Variants in DNAL1 observed in about 807,000 individuals in gnomAD.
DNAL1 encodes chromosome 14 open reading frame 168.
A neutral mutation model predicts 29.4 loss-of-function variants in DNAL1; 17 were observed. The ratio of observed to expected loss-of-function variants is 0.58; its 90% CI spans 0.40 to 0.87. The LOEUF (loss-of-function observed/expected upper bound fraction) is 0.87, where lower values mean the gene tolerates loss of function less well. Among genes scored for constraint, DNAL1 ranks in the 40% least tolerant of loss-of-function variants. The probability of loss-of-function intolerance (pLI) is 0.00; values close to 1 mark genes in which losing one functional copy is unlikely to be tolerated. For missense variants in DNAL1, 188 were observed against 214.1 expected (o/e 0.88, Z 0.76); for synonymous variants, 78 against 76.3 (o/e 1.02, Z -0.12).
At chr14:73,646,528 G>C (rs906400680) in intron 1 of DNAL1, among the ~76,000 whole-genome samples, 1 of 126,734 alleles carries the variant, frequency 7.9e-6, no homozygotes. Context: ...TTGTGAGGCC[G>C]AGGCGGGCAG....
chr14:73,670,670 C>T (rs1021218805), intron 4 of DNAL1, among the ~76,000 whole-genome samples: 6 of 151,816 alleles, frequency 4.0e-5, no homozygotes, highest in Non-Finnish European at 7.4e-5. Context: ...TATAGATATA[C>T]AAATAGAAAT....
In DNAL1 at chr14:73,698,085, G is replaced by A. The variant is rs1892345363; in HGVS notation, c.*2143G>A. 6.6e-6 allele frequency: 1 copy of A among 152,138 alleles called. No individual in the cohort carries two copies. The highest frequency in any genetic ancestry group is 1.5e-5 in the Non-Finnish European group (1 of 68,030). 9.4% of individuals were successfully genotyped at this position (152,138 alleles called of 1,614,324 possible). On this transcript the variant is annotated 3_prime_UTR_variant, in exon 8 of 8. Coordinates refer to ENST00000553645, the MANE Select transcript of DNAL1 (RefSeq NM_031427.4). ...AAGTGATTTCATATTGAATTTATTT[G>A]TAAAATGGCTTAGAGTTTTGGTGTT... is the stretch of plus-strand genomic sequence containing the variant.
chr14:73,650,770 C>T (rs535255147), intron 1 of DNAL1, among the ~76,000 whole-genome samples: 1 of 152,116 alleles, frequency 6.6e-6, no homozygotes, highest in Non-Finnish European at 1.5e-5. Context: ...GCCACTGTGC[C>T]TGGCCAGGCA....
intron 5 of DNAL1, among the ~76,000 whole-genome samples, chr14:73,675,970 C>T (rs1028078526): frequency 3.3e-5 from 5 of 151,902 alleles, no homozygotes; most frequent in Admixed American, 6.6e-5. Flanking sequence ...GCCGAGATTG[C>T]GCCATTGCAC....
At chr14:73,694,742 T>G (rs1005447300) in intron 7 of DNAL1, among the ~76,000 whole-genome samples, 1 of 150,414 alleles carries the variant, frequency 6.6e-6, no homozygotes, top group Admixed American at 6.7e-5. Flanking sequence ...CAGGCTGGAG[T>G]GCAATGGCAT....
At position 73,664,488 on chromosome 14, in the gene DNAL1, A is replaced by G. The variant is rs559901747; in HGVS notation, c.208+2446A>G. Among the ~76,000 whole-genome samples, 4 of 152,324 alleles carry G rather than the reference A, an allele frequency of 2.6e-5. No homozygotes were observed. The East Asian group carries it at 7.7e-4, about 29-fold the overall frequency. On this transcript the variant is annotated intron_variant, in intron 4 of 7. Transcript: ENST00000553645. The stretch of plus-strand genomic sequence containing the variant: ...AATTTACACCCAAATACACTATTTT[A>G]AAAATGACTTTGTAGCATTTATTAA...
intron 3 of DNAL1, chr14:73,659,717 A>G (rs1400211279): frequency 2.6e-5 from 4 of 152,150 alleles, no homozygotes; most frequent in African/African-American, 7.2e-5. Context: ...ATTATCCACA[A>G]AGTCAAAACT....
chr14:73,681,490 G>T (rs1222442167), intron 5 of DNAL1, among the ~76,000 whole-genome samples: 3 of 150,348 alleles, frequency 2.0e-5, no homozygotes, highest in African/African-American at 7.4e-5. Flanking sequence ...TGTTTTAGCT[G>T]GGCACAGTGG....
rs138823945 is a variant in DNAL1, at chr14:73,663,406, A to G, written c.208+1364A>G. Among the ~76,000 whole-genome samples the G allele has an allele frequency of 8.3e-3, 1,263 of 152,048 alleles. 25 individuals are homozygous for G. Among genetic ancestry groups the G allele is most frequent in the African/African-American group, 0.029 (1,195 of 41,476 alleles). On this transcript the variant is annotated intron_variant, in intron 4 of 7. Transcript: ENST00000553645. ...TTTTTAGTGGAGATGGGGTTTCACC[A>G]TGTTGGCCAGGCTGGCCTCAAACTC... is the stretch of plus-strand genomic sequence containing the variant.
rs74512021 is a variant in DNAL1, at chr14:73,664,087, A to G, written c.208+2045A>G. 8.3e-3 allele frequency among the ~76,000 whole-genome samples: 1,266 copies of G among 152,308 alleles called. 25 individuals carry two copies. Among genetic ancestry groups the G allele is most frequent in the African/African-American group, 0.029 (1,197 of 41,572 alleles). ...GGGGAAGAAACTTTCCTGGGAGCCC[A>G]CCAATTACACAAAGAAGAATCTGTG... is the stretch of plus-strand genomic sequence containing the variant. On this transcript the variant is annotated intron_variant, in intron 4 of 7. Transcript: ENST00000553645.
intron 6 of DNAL1, among the ~76,000 whole-genome samples, chr14:73,689,025 T>G (rs1038039479): frequency 9.5e-6 from 1 of 105,370 alleles, no homozygotes; most frequent in Non-Finnish European, 2.0e-5. Context: ...TAAAACTTGC[T>G]GTTTTTTTTT....
chr14:73,698,010 T>C lies in DNAL1; in HGVS notation c.*2068T>C, dbSNP rs1892343093. ...GTAGGCAAGCTTGAAGCCATGTTGA[T>C]ATGGATATGTTTTCTAAAAGTAACC... On this transcript the variant is annotated 3_prime_UTR_variant, in exon 8 of 8. Transcript: ENST00000553645. The C allele has an allele frequency of 6.6e-6, 1 of 152,194 alleles. No individual in the cohort carries two copies. The highest frequency in any genetic ancestry group is 1.5e-5 in the Non-Finnish European group (1 of 68,042). 9.4% of individuals were successfully genotyped at this position (152,194 alleles called of 1,614,324 possible). A position where few individuals can be genotyped will look rare whatever the true frequency, so the allele number is the denominator to read the frequency against.
At chr14:73,678,736 AC>A (rs1316112672) in intron 5 of DNAL1, among the ~76,000 whole-genome samples, 1 of 152,178 alleles carries the variant, frequency 6.6e-6, no homozygotes, top group Admixed American at 6.5e-5. Context: ...CATAGCTTAT[AC>A]AAAAGACTGC....
At chr14:73,675,303 G>C (rs1821200210) in intron 5 of DNAL1, among the ~76,000 whole-genome samples, 1 of 151,434 alleles carries the variant, frequency 6.6e-6, no homozygotes, top group African/African-American at 2.4e-5. Flanking sequence ...ACCCAGGCTG[G>C]AGTGCAGTGG....
At position 73,702,579 on chromosome 14, in the gene DNAL1, T is replaced by G. The variant is rs988459373; in HGVS notation, c.*6637T>G. ...AGTGCTTCCAGGGACAGCAAGTTACTACTGCACTTGACCATTCCTAGTCCT... is the reference window on the plus strand; with the variant it reads ...AGTGCTTCCAGGGACAGCAAGTTACGACTGCACTTGACCATTCCTAGTCCT... On this transcript the variant is annotated 3_prime_UTR_variant, in exon 8 of 8. Coordinates refer to ENST00000553645, the MANE Select transcript of DNAL1 (RefSeq NM_031427.4). The G allele has an allele frequency of 8.5e-5, 13 of 152,096 alleles. No homozygotes were observed. The highest frequency in any genetic ancestry group is 2.9e-4 in the African/African-American group (12 of 41,412). The allele number at this position is 152,096 out of a possible 1,614,324, so 9.4% of individuals were successfully genotyped here.
chr14:73,670,927 G>A (rs1891603419), intron 4 of DNAL1, among the ~76,000 whole-genome samples: 1 of 151,500 alleles, frequency 6.6e-6, no homozygotes, highest in Non-Finnish European at 1.5e-5. Flanking sequence ...TAGTAGAGAC[G>A]GGGTTTCACC....
intron 5 of DNAL1, among the ~76,000 whole-genome samples, chr14:73,679,749 T>C (rs1167814245): frequency 6.6e-6 from 1 of 152,118 alleles, no homozygotes; most frequent in African/African-American, 2.4e-5. Context: ...GTGTTTTGTA[T>C]TTTACATAGA....
chr14:73,673,172 A>G (rs1687331076), intron 5 of DNAL1: 1 of 152,232 alleles, frequency 6.6e-6, no homozygotes, highest in African/African-American at 2.4e-5. Flanking sequence ...CATTGTGCAT[A>G]AAGCGTAAAA....
intron 4 of DNAL1, among the ~76,000 whole-genome samples, chr14:73,666,077 C>T (rs1021448773): frequency 2.0e-5 from 3 of 152,158 alleles, no homozygotes; most frequent in African/African-American, 7.2e-5. Flanking sequence ...CTAGCGAATA[C>T]ATTTTATCTG....
Sources: allele counts gnomAD v4.1 joint callset (sites outside exome capture counted in the v4.1 genomes callset), GRCh38; gene constraint gnomAD v4.1.1; transcripts MANE v1.5; gene names NCBI Gene and HGNC (gene_info 2026-07-23, HGNC 2026-07-21).